The following COX7A2 variants were observed in gnomAD, a reference collection of about 807,000 sequenced individuals.
COX7A2 encodes the protein cytochrome c oxidase subunit 7A2, also known as cytochrome c oxidase subunit 7A2, mitochondrial.
Under a neutral mutation model 11.6 loss-of-function variants are expected in COX7A2, and 11 were observed. The ratio of observed to expected loss-of-function variants is 0.95; its 90% confidence interval spans 0.60 to 1.57. The LOEUF (loss-of-function observed/expected upper bound fraction) is 1.57. Ranked by LOEUF, COX7A2 falls within the 40% of genes most tolerant of loss-of-function variation. The probability of loss-of-function intolerance (pLI) is 0.00; values close to 1 mark genes in which losing one functional copy is unlikely to be tolerated. For missense variants in COX7A2, 106 were observed against 100.9 expected (o/e 1.05, Z -0.22); for synonymous variants, 30 against 38.2 (o/e 0.78, Z 0.79).
Position 75,240,334 on chromosome 6 carries a change from G to T in COX7A2, c.160C>A (p.Leu54Met), listed in dbSNP as rs368893887. 1 of 1,610,006 alleles carries T rather than the reference G, an allele frequency of 6.2e-7. No homozygotes were observed. The highest frequency in any genetic ancestry group is 1.3e-5 in the African/African-American group (1 of 74,252). Residue 54 changes from leucine to methionine, a missense_variant, in exon 3 of 4, where the codon CTG (leucine) becomes ATG (methionine). Leu to Met is a conservative substitution (Grantham distance 15). Transcript: ENST00000684430. ...YLKGGVADAL[L>M]YRATMILTVG... is the part of the protein sequence containing the mutation. The stretch of plus-strand genomic sequence containing the variant: ...GTAAGAATCATGGTGGCTCTATACA[G>T]GAGGGCATCAGCTACCCCACCCTTT...
At chr6:75,244,411 C>T (rs1489638114), upstream of COX7A2, among the ~76,000 whole-genome samples, 2 of 152,184 alleles carry the variant, frequency 1.3e-5, no homozygotes, top group African/African-American at 4.8e-5. Flanking sequence ...TCGCTCGCTT[C>T]TGAGGAAACG....
At chr6:75,249,213 G>A (rs949944973) in intron 1 of COX7A2, among the ~76,000 whole-genome samples, 2 of 152,196 alleles carry the variant, frequency 1.3e-5, no homozygotes, top group South Asian at 4.1e-4. Flanking sequence ...CTCTGGCCTG[G>A]TGACAGAGTG....
upstream of COX7A2, among the ~76,000 whole-genome samples, chr6:75,247,211 T>G: frequency 6.6e-6 from 1 of 151,380 alleles, no homozygotes; most frequent in East Asian, 1.9e-4. Context: ...CCCAATCTTT[T>G]TTTTCCTTTT....
chr6:75,247,753 C>T (rs528767828), upstream of COX7A2, among the ~76,000 whole-genome samples: 6 of 152,072 alleles, frequency 3.9e-5, no homozygotes, highest in African/African-American at 1.4e-4. Flanking sequence ...CCCTACAAAC[C>T]ACAAATTCTC....
chr6:75,243,751 C>T lies in COX7A2; in HGVS notation c.-17G>A. ...CCGCAGCATCTTGGCTGTTACTGAC[C>T]AGCAACCGCCACAACTGAACACCAC... On this transcript the variant is annotated 5_prime_UTR_variant, in exon 1 of 4. Coordinates refer to ENST00000684430, the MANE Select transcript of COX7A2 (RefSeq NM_001366293.2). 1 of 1,613,966 alleles carries T rather than the reference C, an allele frequency of 6.2e-7. No homozygotes were observed. Among genetic ancestry groups the T allele is most frequent in the Non-Finnish European group, 8.5e-7 (1 of 1,179,884 alleles).
chr6:75,243,640 G>A, intron 1 of COX7A2, 77 bp downstream of exon 1: 2 of 1,418,114 alleles, frequency 1.4e-6, no homozygotes, highest in Non-Finnish European at 2.0e-6. Context: ...CCCAGGTGAG[G>A]GTTTTCTGTC....
chr6:75,240,395 A>T lies in COX7A2; in HGVS notation c.109-10T>A. On this transcript the variant is annotated splice_polypyrimidine_tract_variant and intron_variant, in intron 2 of 3. Coordinates refer to ENST00000684430, the MANE Select transcript of COX7A2 (RefSeq NM_001366293.2). ...GAATTTCATCATCCTCCTAGATTTA[A>T]AAAAAAAAAAAAAAGACAATAATAA... is the stretch of plus-strand genomic sequence containing the variant. 8.3e-7 allele frequency: 1 copy of T among 1,211,360 alleles called. No individual in the cohort carries two copies. Among genetic ancestry groups the T allele is most frequent in the Non-Finnish European group, 1.1e-6 (1 of 909,334 alleles). 75.0% of individuals were successfully genotyped at this position (1,211,360 alleles called of 1,614,324 possible).
chr6:75,238,980 C>A (rs1426515619), intron 3 of COX7A2, among the ~76,000 whole-genome samples: 3 of 151,870 alleles, frequency 2.0e-5, no homozygotes, highest in Non-Finnish European at 4.4e-5. Flanking sequence ...ACACCCGACT[C>A]ATTTTTGTGT....
At chr6:75,243,554 T>C (rs748901041) in intron 1 of COX7A2, among the ~76,000 whole-genome samples, 163 bp downstream of exon 1, 3 of 151,996 alleles carry the variant, frequency 2.0e-5, no homozygotes, top group Non-Finnish European at 4.4e-5. Context: ...GCGAGAGGAA[T>C]AGACGGAAGG....
upstream of COX7A2, among the ~76,000 whole-genome samples, chr6:75,248,081 C>CTTTTT (rs905344722): frequency 2.2e-3 from 24 of 10,676 alleles, 9 homozygotes; most frequent in African/African-American, 6.6e-3. Flanking sequence ...CATCCTTTAT[C>CTTTTT]TTTTTTTTTT....
At chr6:75,238,098 G>A (rs1771370755) in intron 3 of COX7A2, 110 bp from the exon 4 acceptor site, 3 of 557,888 alleles carry the variant, frequency 5.4e-6, no homozygotes, top group Non-Finnish European at 8.4e-6. Flanking sequence ...TACCTTAATT[G>A]GAACACAAAA....
At chr6:75,245,564 T>C (rs371484397), upstream of COX7A2, among the ~76,000 whole-genome samples, 62 of 151,976 alleles carry the variant, frequency 4.1e-4, no homozygotes, top group Middle Eastern at 0.017. Flanking sequence ...ATGCATGTTA[T>C]TCAGTACAAT....
upstream of COX7A2, among the ~76,000 whole-genome samples, chr6:75,245,924 T>TA (rs1771671708): frequency 2.0e-5 from 3 of 152,242 alleles, no homozygotes; most frequent in South Asian, 6.2e-4. Flanking sequence ...AGCATGGTCT[T>TA]AAAGTGGCTT....
At position 75,237,982 on chromosome 6, in the gene COX7A2, G is replaced by A; in HGVS notation, c.200C>T (p.Ala67Val). The change falls in exon 4 of 4, where the codon GCA becomes GTA. Residue 67 changes from alanine to valine, a missense_variant. Ala to Val is a moderately conservative substitution (Grantham distance 64, BLOSUM62 0). Transcript: ENST00000684430. ...ATMILTVGGT[A>V]YAIYELAVAS... ...CACAGCCAGCTCATATATGGCATAT[G>A]CTGTTCCTAAAAATAAAAAACAAAA... 6.5e-6 allele frequency: 10 copies of A among 1,543,216 alleles called. No individual in the cohort carries two copies. Among genetic ancestry groups the A allele is most frequent in the Non-Finnish European group, 7.0e-6 (8 of 1,138,520 alleles).
At chr6:75,241,144 C>A in intron 2 of COX7A2, 32 bp downstream of exon 2, 1 of 1,574,528 alleles carries the variant, frequency 6.4e-7, no homozygotes, top group Non-Finnish European at 8.7e-7. Context: ...CTAATAATTA[C>A]AAGTAACATC....
intron 2 of COX7A2, chr6:75,240,727 G>T: frequency 5.0e-6 from 1 of 199,700 alleles, no homozygotes; most frequent in Non-Finnish European, 1.0e-5. Context: ...ACCAATAATT[G>T]CCACACATTA....
At chr6:75,246,112 GAAGA>G (rs1267439394), upstream of COX7A2, among the ~76,000 whole-genome samples, 1 of 152,090 alleles carries the variant, frequency 6.6e-6, no homozygotes, top group Non-Finnish European at 1.5e-5. Flanking sequence ...TAGATTGTAT[GAAGA>G]AAGAATTGTT....
At chr6:75,247,141 CG>C (rs1160410075), upstream of COX7A2, among the ~76,000 whole-genome samples, 1 of 152,120 alleles carries the variant, frequency 6.6e-6, no homozygotes, top group Non-Finnish European at 1.5e-5. Flanking sequence ...ACATCAGATG[CG>C]AAAGTACTAA....
upstream of COX7A2, among the ~76,000 whole-genome samples, chr6:75,244,359 G>A (rs937589122): frequency 3.3e-4 from 50 of 152,156 alleles, 1 homozygote; most frequent in Admixed American, 3.2e-3. Flanking sequence ...AACTCCCCAA[G>A]CAAGAAGTTC....
Sources: gnomAD v4.1 joint callset for allele counts (sites outside exome capture counted in the v4.1 genomes callset) on GRCh38, gnomAD v4.1.1 for gene constraint, MANE v1.5 for transcripts, NCBI Gene and HGNC (gene_info 2026-07-23, HGNC 2026-07-21) for gene names.